The following ADAMTS6 variants were observed in gnomAD, a reference collection of about 807,000 sequenced individuals.
The protein encoded by ADAMTS6 is ADAM metallopeptidase with thrombospondin type 1 motif 6.
Under a neutral mutation model 144.3 loss-of-function variants are expected in ADAMTS6, and 23 were observed. The ratio of observed to expected loss-of-function variants is 0.16; its 90% confidence interval spans 0.11 to 0.23. The LOEUF is 0.23. Among genes scored for constraint, ADAMTS6 ranks in the 10% least tolerant of loss-of-function variants. ADAMTS6 has a pLI of 1.00. For synonymous variants in ADAMTS6, 444 were observed against 457.5 expected, an observed-to-expected ratio of 0.97 and a Z score of 0.38; for missense variants, 999 against 1,379.6, an observed-to-expected ratio of 0.72 and a Z score of 4.37.
At chr5:65,185,533 C>T (rs911192743) in intron 22 of ADAMTS6, among the ~76,000 whole-genome samples, 20 of 152,172 alleles carry the variant, frequency 1.3e-4, no homozygotes, top group African/African-American at 4.1e-4. Flanking sequence ...GCAGTGGTCC[C>T]CACATGTGTA....
intron 16 of ADAMTS6, among the ~76,000 whole-genome samples, chr5:65,225,356 T>C (rs1006401510): frequency 2.0e-5 from 3 of 152,216 alleles, no homozygotes; most frequent in African/African-American, 4.8e-5. Context: ...TAGAAACTTT[T>C]CCAAGAAATT....
intron 7 of ADAMTS6, among the ~76,000 whole-genome samples, chr5:65,424,395 C>G (rs1756329959): frequency 6.6e-6 from 1 of 152,198 alleles, no homozygotes; most frequent in Admixed American, 6.5e-5. Context: ...ACCAAATGTA[C>G]TGTTTGTAAA....
chr5:65,170,838 A>C lies in ADAMTS6; in HGVS notation c.3088-65T>G, dbSNP rs555270344. Reference sequence around the variant, plus strand: ...ACAATTTTCAGGAGGTAAAAAATATACTATGTCATTTCAAATACAACACAA... The same window carrying C: ...ACAATTTTCAGGAGGTAAAAAATATCCTATGTCATTTCAAATACAACACAA... On this transcript the variant is annotated intron_variant, in intron 23 of 24. Coordinates refer to ENST00000381055, the MANE Select transcript of ADAMTS6 (RefSeq NM_197941.4). 1.7e-5 allele frequency: 26 copies of C among 1,524,866 alleles called. No individual in the cohort carries two copies. The African/African-American group carries it at 3.3e-4, about 19-fold the overall frequency. 94.5% of individuals were successfully genotyped at this position (1,524,866 alleles called of 1,614,324 possible).
At chr5:65,407,082 C>G (rs1295053625) in intron 7 of ADAMTS6, among the ~76,000 whole-genome samples, 1 of 152,064 alleles carries the variant, frequency 6.6e-6, no homozygotes, top group Non-Finnish European at 1.5e-5. Flanking sequence ...TCCAGGAGAA[C>G]CAGCCCAACC....
Position 65,341,993 on chromosome 5 carries a change from T to A in ADAMTS6, c.1074-7908A>T, listed in dbSNP as rs111334510. Among the ~76,000 whole-genome samples, 1,308 of 152,150 alleles carry A rather than the reference T, an allele frequency of 8.6e-3. 18 individuals carry two copies. The highest frequency in any genetic ancestry group is 0.03 in the African/African-American group (1,262 of 41,534). ...AGCACATCAAAAAGATAATACACCATGATCAAATGAGATTTATCACAGGAA... is the reference window on the plus strand; with the variant it reads ...AGCACATCAAAAAGATAATACACCAAGATCAAATGAGATTTATCACAGGAA... On this transcript the variant is annotated intron_variant, in intron 7 of 24. Coordinates refer to ENST00000381055, the MANE Select transcript of ADAMTS6 (RefSeq NM_197941.4).
intron 12 of ADAMTS6, among the ~76,000 whole-genome samples, chr5:65,264,157 G>C (rs1422121893): frequency 6.6e-6 from 1 of 152,088 alleles, no homozygotes; most frequent in African/African-American, 2.4e-5. Flanking sequence ...ATTTTCCAGA[G>C]AGCATTTAGA....
intron 11 of ADAMTS6, among the ~76,000 whole-genome samples, chr5:65,283,735 A>G (rs2112717303): frequency 6.6e-6 from 1 of 152,248 alleles, no homozygotes; most frequent in Non-Finnish European, 1.5e-5. Flanking sequence ...GGAAAGTGTG[A>G]TTCTATAATC....
At chr5:65,412,181 A>C (rs1755105917) in intron 7 of ADAMTS6, among the ~76,000 whole-genome samples, 1 of 152,204 alleles carries the variant, frequency 6.6e-6, no homozygotes, top group Admixed American at 6.5e-5. Context: ...ATAAATCCTT[A>C]ATATGTGATA....
chr5:65,220,524 A>C (rs1275975007), intron 18 of ADAMTS6, among the ~76,000 whole-genome samples: 1 of 152,070 alleles, frequency 6.6e-6, no homozygotes, highest in Admixed American at 6.6e-5. Flanking sequence ...GGGCGGGTGC[A>C]TCATGAGGTC....
chr5:65,245,606 A>G (rs1759559113), intron 14 of ADAMTS6, among the ~76,000 whole-genome samples: 1 of 152,160 alleles, frequency 6.6e-6, no homozygotes, highest in South Asian at 2.1e-4. Context: ...AATTGATACA[A>G]CAGTTATCAT....
intron 9 of ADAMTS6, among the ~76,000 whole-genome samples, chr5:65,321,708 C>CTTTTT (rs529236363): frequency 1.0e-3 from 81 of 78,888 alleles, no homozygotes; most frequent in East Asian, 2.2e-3. Flanking sequence ...TTTTCTTTTC[C>CTTTTT]TTTTTTTTTT....
At chr5:65,338,724 A>G (rs1271232079) in intron 7 of ADAMTS6, among the ~76,000 whole-genome samples, 3 of 152,052 alleles carry the variant, frequency 2.0e-5, no homozygotes, top group Admixed American at 1.3e-4. Flanking sequence ...ACACCCACCC[A>G]GGCCAGCCAA....
At chr5:65,350,660 C>T (rs547171813) in intron 7 of ADAMTS6, among the ~76,000 whole-genome samples, 16 of 151,592 alleles carry the variant, frequency 1.1e-4, no homozygotes, top group Non-Finnish European at 2.4e-4. Context: ...TTTTTGGGGG[C>T]GTGAGGGGGT....
At chr5:65,152,139 A>G (rs1027837157) in intron 24 of ADAMTS6, among the ~76,000 whole-genome samples, 194 bp from the exon 25 acceptor site, 1 of 152,122 alleles carries the variant, frequency 6.6e-6, no homozygotes, top group Non-Finnish European at 1.5e-5. Context: ...TTCTTTTGAT[A>G]TATTTTAACA....
chr5:65,307,232 A>G (rs1017026641), intron 9 of ADAMTS6, among the ~76,000 whole-genome samples: 21 of 152,216 alleles, frequency 1.4e-4, no homozygotes, highest in African/African-American at 5.1e-4. Context: ...GTGGCTGTTA[A>G]TAATAAATTT....
chr5:65,220,631 C>T lies in ADAMTS6; in HGVS notation c.2272+3689G>A, dbSNP rs113711230. ...GCGTCAACGTGGGTGCCTGTAGTCC[C>T]AGCTACTCGGGAGGCTGAGGCAGGA... On this transcript the variant is annotated intron_variant, in intron 18 of 24. Transcript: ENST00000381055. 1.7e-3 allele frequency among the ~76,000 whole-genome samples: 258 copies of T among 152,184 alleles called. 2 individuals are homozygous for T. The highest frequency in any genetic ancestry group is 5.8e-3 in the African/African-American group (242 of 41,538).
chr5:65,160,762 C>T (rs960717880), intron 24 of ADAMTS6, among the ~76,000 whole-genome samples: 7 of 150,646 alleles, frequency 4.6e-5, no homozygotes, highest in African/African-American at 1.7e-4. Context: ...AAGCAATTCT[C>T]CTGCCTCAGC....
chr5:65,400,595 A>C (rs1753838814), intron 7 of ADAMTS6, among the ~76,000 whole-genome samples: 1 of 152,186 alleles, frequency 6.6e-6, no homozygotes, highest in Non-Finnish European at 1.5e-5. Flanking sequence ...TTGGTGTCTG[A>C]CATTAATTTA....
chr5:65,291,073 GA>G (rs993093485), intron 11 of ADAMTS6, among the ~76,000 whole-genome samples: 1 of 151,978 alleles, frequency 6.6e-6, no homozygotes, highest in African/African-American at 2.4e-5. Flanking sequence ...AAGATTTAAA[GA>G]AAAAATATAT....
Sources: gnomAD v4.1 joint callset for allele counts (sites outside exome capture counted in the v4.1 genomes callset) on GRCh38, gnomAD v4.1.1 for gene constraint, MANE v1.5 for transcripts, NCBI Gene and HGNC (gene_info 2026-07-23, HGNC 2026-07-21) for gene names.